ETFA: variants seen among roughly 807,000 people sequenced by gnomAD.
ETFA encodes electron transfer flavoprotein subunit alpha.
In ETFA, 22 loss-of-function variants were observed where a neutral mutation model predicts 46.2. That is an observed-to-expected ratio of 0.48 (90% CI 0.34 to 0.68). The LOEUF (loss-of-function observed/expected upper bound fraction) is 0.68. ETFA is among the 30% of genes least tolerant of loss of function. The pLI is 0.01. For synonymous variants in ETFA, 131 were observed against 139.9 expected (o/e 0.94, Z 0.45); for missense variants, 345 against 401.1 (o/e 0.86, Z 1.19).
intron 8 of ETFA, among the ~76,000 whole-genome samples, chr15:76,277,994 A>G (rs1343249582): frequency 6.6e-6 from 1 of 152,098 alleles, no homozygotes; most frequent in Non-Finnish European, 1.5e-5. Flanking sequence ...CACTTCTCCT[A>G]TGGATCTAAG....
intron 8 of ETFA, among the ~76,000 whole-genome samples, chr15:76,278,479 C>T (rs950284068): frequency 1.3e-5 from 2 of 152,152 alleles, no homozygotes; most frequent in Admixed American, 6.5e-5. Context: ...CTCCCTCTTC[C>T]GGCTGATTAA....
At chr15:76,283,349 G>C (rs2039673656) in intron 8 of ETFA, among the ~76,000 whole-genome samples, 2 of 152,032 alleles carry the variant, frequency 1.3e-5, no homozygotes, top group Admixed American at 1.3e-4. Flanking sequence ...ACACCAATAT[G>C]CCTGGCTAAT....
At chr15:76,263,707 G>T (rs972418603) in intron 9 of ETFA, among the ~76,000 whole-genome samples, 2 of 152,196 alleles carry the variant, frequency 1.3e-5, no homozygotes, top group African/African-American at 2.4e-5. Context: ...CATTTGGTCA[G>T]TGTGGGCACT....
chr15:76,230,448 G>C (rs1182917586), intron 10 of ETFA: 1 of 19,532 alleles, frequency 5.1e-5, no homozygotes, highest in African/African-American at 1.4e-4. Context: ...GGATGGTCTC[G>C]ATCTCCTGAC....
intron 9 of ETFA, chr15:76,261,030 G>T: frequency 6.2e-7 from 1 of 1,600,724 alleles, no homozygotes. Flanking sequence ...GAAGGGGACT[G>T]CAGGCAGTGC....
At chr15:76,310,646 T>C (rs887480034) in intron 1 of ETFA, among the ~76,000 whole-genome samples, 1 of 152,246 alleles carries the variant, frequency 6.6e-6, no homozygotes, top group African/African-American at 2.4e-5. Flanking sequence ...AATGTACCAC[T>C]GTCACCAGTT....
At chr15:76,273,587 A>C (rs545378093) in intron 9 of ETFA, among the ~76,000 whole-genome samples, 6 of 141,508 alleles carry the variant, frequency 4.2e-5, no homozygotes, top group Admixed American at 7.1e-5. Context: ...CAAAACAAAA[A>C]AAACTTCAAA....
At chr15:76,301,144 G>A (rs540828269) in intron 1 of ETFA, among the ~76,000 whole-genome samples, 80 of 152,274 alleles carry the variant, frequency 5.3e-4, no homozygotes, top group African/African-American at 1.9e-3. Flanking sequence ...ATGATGCCTG[G>A]AACATATTAA....
chr15:76,246,162 G>A (rs1386192821), intron 9 of ETFA, among the ~76,000 whole-genome samples: 1 of 152,190 alleles, frequency 6.6e-6, no homozygotes, highest in Non-Finnish European at 1.5e-5. Context: ...ATTTAAGCCT[G>A]TTTTACATAT....
intron 11 of ETFA, among the ~76,000 whole-genome samples, chr15:76,220,534 G>C (rs1216327792): frequency 6.6e-6 from 1 of 152,134 alleles, no homozygotes; most frequent in Admixed American, 6.5e-5. Flanking sequence ...CATTAAGAAA[G>C]TGAAAAGACA....
At chr15:76,249,584 G>A (rs1046459348) in intron 9 of ETFA, among the ~76,000 whole-genome samples, 3 of 151,774 alleles carry the variant, frequency 2.0e-5, no homozygotes, top group African/African-American at 7.3e-5. Flanking sequence ...TGGGACTACA[G>A]GCGCCCGCCA....
chr15:76,218,176 A>T (rs1267958839), intron 11 of ETFA, among the ~76,000 whole-genome samples: 1 of 152,202 alleles, frequency 6.6e-6, no homozygotes, highest in African/African-American at 2.4e-5. Context: ...ACTTTTTAAA[A>T]TTTTACCGAA....
chr15:76,263,432 C>G (rs1339261916), intron 9 of ETFA, among the ~76,000 whole-genome samples: 5 of 152,192 alleles, frequency 3.3e-5, no homozygotes, highest in African/African-American at 1.2e-4. Context: ...CTGAAAGAAG[C>G]TCGGTGAGGA....
intron 7 of ETFA, chr15:76,284,522 C>T (rs1407124113): frequency 1.1e-5 from 2 of 188,768 alleles, no homozygotes; most frequent in African/African-American, 4.8e-5. Flanking sequence ...AGGAGTTTCA[C>T]TCTTGTTGCC....
At chr15:76,291,666 C>T (rs562842247) in intron 4 of ETFA, among the ~76,000 whole-genome samples, 2 of 151,708 alleles carry the variant, frequency 1.3e-5, no homozygotes, top group Admixed American at 6.6e-5. Context: ...AGGAGAATGG[C>T]GTGAACCCCG....
intron 11 of ETFA, among the ~76,000 whole-genome samples, chr15:76,217,327 C>T (rs1384081257): frequency 6.6e-6 from 1 of 152,236 alleles, no homozygotes; most frequent in East Asian, 1.9e-4. Flanking sequence ...TGCCAACCTC[C>T]TTTATACTTG....
At position 76,281,908 on chromosome 15, in the gene ETFA, T is replaced by TG. The variant is rs1216638892; in HGVS notation, c.733+1848_733+1849insC. Among the ~76,000 whole-genome samples the TG allele has an allele frequency of 3.5e-5, 5 of 144,516 alleles. No homozygotes were observed. In the Admixed American group the frequency reaches 3.5e-4, roughly 10 times the overall value. The allele number at this position is 144,516 out of a possible 152,430, so 94.8% of individuals were successfully genotyped here. On this transcript the variant is annotated intron_variant, in intron 8 of 11. Transcript: ENST00000557943. The stretch of plus-strand genomic sequence containing the variant: ...CCATTACACGTATCCTTTTTTTTTT[T>TG]TTTTTTTTTTTTCCAGACGGCATCT...
chr15:76,306,892 T>C (rs1428364977), intron 1 of ETFA, among the ~76,000 whole-genome samples: 1 of 152,214 alleles, frequency 6.6e-6, no homozygotes, highest in Non-Finnish European at 1.5e-5. Context: ...ATTCACCTTA[T>C]GCAATAAATT....
rs59517673 is a variant in ETFA, at chr15:76,295,786, G to GTT, written c.40-51_40-50dup. On this transcript the variant is annotated intron_variant, in intron 1 of 11. Transcript: ENST00000557943. ...AAAAGGTAAAGAATGTTGTCACAGG[G>GTT]TTTTTTTTTTTTTTTTTACTAATTG... The GTT allele has an allele frequency of 0.06, 64,799 of 1,080,668 alleles. 751 individuals are homozygous for GTT. The highest frequency in any genetic ancestry group is 0.13 in the African/African-American group (7,348 of 55,734). The allele number at this position is 1,080,668 out of a possible 1,614,324, so 66.9% of individuals were successfully genotyped here. A position where few individuals can be genotyped will look rare whatever the true frequency, so the allele number is the denominator to read the frequency against.
Sources: gnomAD v4.1 joint callset for allele counts (sites outside exome capture counted in the v4.1 genomes callset) on GRCh38, gnomAD v4.1.1 for gene constraint, MANE v1.5 for transcripts, NCBI Gene and HGNC (gene_info 2026-07-23, HGNC 2026-07-21) for gene names.